EYA3: variants seen among roughly 807,000 people sequenced by gnomAD.
EYA3 encodes the protein EYA transcriptional coactivator and phosphatase 3, also known as protein phosphatase EYA3.
EYA3 carries 39 observed loss-of-function variants against 80.0 expected under a neutral mutation model. The observed-to-expected ratio is 0.49, with a 90% confidence interval of 0.38 to 0.64. EYA3 has a LOEUF of 0.64. Among genes scored for constraint, EYA3 ranks in the 30% least tolerant of loss-of-function variants. EYA3 has a pLI of 0.00. For synonymous variants in EYA3, 206 were observed against 232.8 expected, an observed-to-expected ratio of 0.88 and a Z score of 1.05; for missense variants, 523 against 676.1, an observed-to-expected ratio of 0.77 and a Z score of 2.51.
chr1:28,087,124 G>A lies in EYA3; in HGVS notation c.-69+1400C>T, dbSNP rs12146054. On this transcript the variant is annotated intron_variant, in intron 1 of 17. Coordinates refer to ENST00000373871, the MANE Select transcript of EYA3 (RefSeq NM_001990.4). ...AGAAACTGATGACACAAAAACCGCTGCAATCAAGTGCTAGATATACACTAT... is the reference window on the plus strand; with the variant it reads ...AGAAACTGATGACACAAAAACCGCTACAATCAAGTGCTAGATATACACTAT... Among the ~76,000 whole-genome samples, 1,396 of 152,212 alleles carry A rather than the reference G, an allele frequency of 9.2e-3. 10 individuals are homozygous for A. The highest frequency in any genetic ancestry group is 0.017 in the African/African-American group (698 of 41,502).
intron 4 of EYA3, among the ~76,000 whole-genome samples, chr1:28,041,969 C>G (rs1434708764): frequency 6.6e-6 from 1 of 152,186 alleles, no homozygotes; most frequent in Non-Finnish European, 1.5e-5. Flanking sequence ...AGACACTTTA[C>G]AAATTAGAGT....
intron 16 of EYA3, among the ~76,000 whole-genome samples, chr1:27,979,809 C>T (rs1178987720): frequency 6.6e-6 from 1 of 152,162 alleles, no homozygotes; most frequent in African/African-American, 2.4e-5. Flanking sequence ...CATTTGACTG[C>T]CATCTGCTGG....
At chr1:28,023,537 T>C (rs1642585710) in intron 7 of EYA3, among the ~76,000 whole-genome samples, 1 of 152,150 alleles carries the variant, frequency 6.6e-6, no homozygotes, top group Non-Finnish European at 1.5e-5. Flanking sequence ...TTAAAATCCA[T>C]AACCCCAGCG....
At chr1:28,071,128 T>G (rs1357429273) in intron 1 of EYA3, among the ~76,000 whole-genome samples, 1 of 152,206 alleles carries the variant, frequency 6.6e-6, no homozygotes, top group Non-Finnish European at 1.5e-5. Flanking sequence ...TTCACCATGT[T>G]GGCCAGGCTG....
chr1:28,025,403 A>G (rs1209865010), intron 7 of EYA3, among the ~76,000 whole-genome samples: 1 of 152,204 alleles, frequency 6.6e-6, no homozygotes, highest in Non-Finnish European at 1.5e-5. Context: ...AATACTGAAA[A>G]GCATAAATAT....
At chr1:28,052,368 A>C (rs923249959) in intron 2 of EYA3, among the ~76,000 whole-genome samples, 1 of 152,188 alleles carries the variant, frequency 6.6e-6, no homozygotes, top group African/African-American at 2.4e-5. Flanking sequence ...TACTGGCATA[A>C]GGATGGATAT....
At chr1:28,028,484 A>G (rs1172769002) in intron 6 of EYA3, among the ~76,000 whole-genome samples, 2 of 152,204 alleles carry the variant, frequency 1.3e-5, no homozygotes, top group Non-Finnish European at 2.9e-5. Flanking sequence ...AGAAATACAT[A>G]ATTTAGAAAA....
chr1:27,996,187 AG>A (rs1640444954), intron 13 of EYA3, among the ~76,000 whole-genome samples: 1 of 152,222 alleles, frequency 6.6e-6, no homozygotes, highest in Non-Finnish European at 1.5e-5. Context: ...AACTGTTTTA[AG>A]GTACTAAACT....
intron 7 of EYA3, among the ~76,000 whole-genome samples, chr1:28,021,788 A>G (rs1330115915): frequency 6.6e-6 from 1 of 152,048 alleles, no homozygotes; most frequent in African/African-American, 2.4e-5. Flanking sequence ...TATTTTTAGT[A>G]GAAACGGGGT....
At chr1:28,014,219 C>G (rs750162238) in intron 8 of EYA3, among the ~76,000 whole-genome samples, 2 of 151,838 alleles carry the variant, frequency 1.3e-5, no homozygotes, top group Non-Finnish European at 2.9e-5. Context: ...GAGTTTGAGA[C>G]CAGCCTAGCC....
chr1:28,061,123 A>G (rs1264342560), intron 1 of EYA3, among the ~76,000 whole-genome samples: 1 of 152,254 alleles, frequency 6.6e-6, no homozygotes, highest in Non-Finnish European at 1.5e-5. Flanking sequence ...GCCTACAAGG[A>G]AAGAATAGAT....
chr1:27,997,365 A>G lies in EYA3; in HGVS notation c.1097T>C (p.Val366Ala). 6.2e-7 allele frequency: 1 copy of G among 1,614,130 alleles called. No individual in the cohort carries two copies. The highest frequency in any genetic ancestry group is 8.5e-7 in the Non-Finnish European group (1 of 1,179,966). Reference protein sequence around the residue: ...FFNDLEECDQVHVEDVASDDN... With the variant: ...FFNDLEECDQAHVEDVASDDN... ...ATCAGAAGCCACATCTTCCACATGT[A>G]CCTGGTCACACTCCTGTTAAAAGAC... Residue 366 changes from valine (V) to alanine (A), a missense_variant, in exon 13 of 18, where the codon GTA becomes GCA. Physicochemically the swap from Val to Ala is moderately conservative, Grantham distance 64 (BLOSUM62 0). This residue lies in a region of EYA3 where 219 missense variants were observed against 332.8 expected (regional missense o/e 0.66). Coordinates refer to ENST00000373871, the MANE Select transcript of EYA3 (RefSeq NM_001990.4).
rs1458497523 is a variant in EYA3 at position 28,011,012 on chromosome 1, T to C, written c.844A>G (p.Met282Val). 2 of 1,614,150 alleles carry C rather than the reference T, an allele frequency of 1.2e-6. No homozygotes were observed. ...CTCTTGCCCCGGTTCTTGCTAGTCA[T>C]GTTTTTCCTGGACTGATCATCAGTA... The part of the protein sequence containing the change: ...KDTDDQSRKN[M>V]TSKNRGKRKA... The change falls in exon 10 of 18, where the codon ATG becomes GTG. Residue 282 changes from methionine to valine, a missense_variant. Around this residue, in one of 2 missense-constraint regions of EYA3, gnomAD observed 304 missense variants for 343.3 expected, o/e 0.89. Coordinates refer to ENST00000373871, the MANE Select transcript of EYA3 (RefSeq NM_001990.4).
At position 28,054,548 on chromosome 1, in the gene EYA3, A is replaced by G. The variant is rs374376858; in HGVS notation, c.33+3446T>C. On this transcript the variant is annotated intron_variant, in intron 2 of 17. Transcript: ENST00000373871. ...CTGTAACTTAACAAACATGATTGCT[A>G]AACCAGTGTTTATCATCTCTGAAAA... Among the ~76,000 whole-genome samples, 9 of 152,228 alleles carry G rather than the reference A, an allele frequency of 5.9e-5. No individual in the cohort carries two copies. In the South Asian group the frequency reaches 1.9e-3, roughly 32 times the overall value.
At chr1:28,084,569 ATATATATATATATATATATATATATAT>A (rs1645550044) in intron 1 of EYA3, among the ~76,000 whole-genome samples, 4 of 8,694 alleles carry the variant, frequency 4.6e-4, no homozygotes, top group Non-Finnish European at 1.0e-3. Context: ...ATATATATAT[ATATATATATATATATATATATATATAT>A]TTTTTTTTTT....
chr1:27,994,184 T>G (rs945024096), intron 13 of EYA3, among the ~76,000 whole-genome samples: 23 of 152,330 alleles, frequency 1.5e-4, no homozygotes, highest in African/African-American at 5.5e-4. Flanking sequence ...AGACTAGGCT[T>G]CTTCTGCTCT....
chr1:28,079,084 C>T (rs553586117), intron 1 of EYA3, among the ~76,000 whole-genome samples: 1 of 152,206 alleles, frequency 6.6e-6, no homozygotes, highest in East Asian at 1.9e-4. Context: ...TTTTTTTCCC[C>T]AGGCCTCCCA....
At chr1:28,059,521 G>T (rs1189211246) in intron 1 of EYA3, among the ~76,000 whole-genome samples, 2 of 152,172 alleles carry the variant, frequency 1.3e-5, no homozygotes, top group Admixed American at 1.3e-4. Context: ...AGCTATGAAA[G>T]ATCAAACATT....
intron 14 of EYA3, among the ~76,000 whole-genome samples, chr1:27,992,267 T>C (rs1224853853): frequency 6.6e-6 from 1 of 151,540 alleles, no homozygotes; most frequent in Non-Finnish European, 1.5e-5. Context: ...TCCATGGACC[T>C]GGGTGGGGGG....
Sources: gnomAD v4.1 joint callset for allele counts (sites outside exome capture counted in the v4.1 genomes callset) on GRCh38, gnomAD v4.1.1 for gene constraint, gnomAD v4.1.1 regional missense constraint, MANE v1.5 for transcripts, NCBI Gene and HGNC (gene_info 2026-07-23, HGNC 2026-07-21) for gene names.